The following DTD1 variants were observed in gnomAD, a reference collection of about 807,000 sequenced individuals.
The protein encoded by DTD1 is D-tyrosyl-tRNA deacylase 1 homolog.
In DTD1, 13 loss-of-function variants were observed where a neutral mutation model predicts 25.6. That is an observed-to-expected ratio of 0.51 (90% CI 0.33 to 0.81). The LOEUF (loss-of-function observed/expected upper bound fraction) is 0.81. DTD1 is among the 30% of genes least tolerant of loss of function. The pLI, the probability that DTD1 is intolerant of heterozygous loss-of-function variation, is 0.02. For synonymous variants in DTD1, 110 were observed against 103.6 expected (o/e 1.06, Z -0.37); for missense variants, 193 against 266.4 (o/e 0.72, Z 1.92).
chr20:18,737,778 C>T (rs932594848), intron 4 of DTD1, among the ~76,000 whole-genome samples: 12 of 152,224 alleles, frequency 7.9e-5, no homozygotes, highest in South Asian at 2.1e-4. Flanking sequence ...CTTCAGCCTT[C>T]GGGACAGAAA....
intron 4 of DTD1, among the ~76,000 whole-genome samples, chr20:18,638,945 T>C (rs2060818684): frequency 6.6e-6 from 1 of 152,170 alleles, no homozygotes; most frequent in Non-Finnish European, 1.5e-5. Context: ...TCTTTCATAC[T>C]GTGGCTTGAG....
intron 5 of DTD1, among the ~76,000 whole-genome samples, chr20:18,753,775 G>C (rs965052933): frequency 6.6e-6 from 1 of 151,978 alleles, no homozygotes; most frequent in African/African-American, 2.4e-5. Context: ...TTATTGCATT[G>C]CATTAAGCTT....
intron 4 of DTD1, among the ~76,000 whole-genome samples, chr20:18,737,207 C>T (rs879822594): frequency 2.0e-5 from 3 of 152,246 alleles, no homozygotes; most frequent in Non-Finnish European, 4.4e-5. Context: ...TCAGTCATCT[C>T]TGTGTGTTGC....
At position 18,709,621 on chromosome 20, in the gene DTD1, C is replaced by T. The variant is rs118006899; in HGVS notation, c.478-34479C>T. On this transcript the variant is annotated intron_variant, in intron 4 of 5. Coordinates refer to ENST00000377452, the MANE Select transcript of DTD1 (RefSeq NM_080820.6). ...CGGTCACTAAGGGCAATTGGGGGGA[C>T]AGAATACCTAGGCTGATTGGAGTCA... is the stretch of plus-strand genomic sequence containing the variant. Among the ~76,000 whole-genome samples, 1,186 of 152,264 alleles carry T rather than the reference C, an allele frequency of 7.8e-3. 8 individuals are homozygous for T. Among genetic ancestry groups the T allele is most frequent in the Non-Finnish European group, 0.012 (848 of 68,024 alleles).
intron 4 of DTD1, among the ~76,000 whole-genome samples, chr20:18,663,861 A>T (rs984971252): frequency 1.3e-5 from 2 of 152,126 alleles, no homozygotes; most frequent in African/African-American, 4.8e-5. Context: ...TATCATGAGA[A>T]CTCACTCACT....
At chr20:18,708,256 A>ATATATAT (rs1568676810) in intron 4 of DTD1, among the ~76,000 whole-genome samples, 6 of 32,928 alleles carry the variant, frequency 1.8e-4, no homozygotes, top group African/African-American at 5.3e-4. Context: ...TATATATTAT[A>ATATATAT]TATATATTTT....
Position 18,749,599 on chromosome 20 carries a change from A to T in DTD1, c.*19+5328A>T, listed in dbSNP as rs2061314288. ...AGGGGTCTGTCATTAATGACACCTGAGACTGAGTGAGATATGCTGGTGAGA... is the reference window on the plus strand; with the variant it reads ...AGGGGTCTGTCATTAATGACACCTGTGACTGAGTGAGATATGCTGGTGAGA... On this transcript the variant is annotated intron_variant, in intron 5 of 5. Coordinates refer to ENST00000377452, the MANE Select transcript of DTD1 (RefSeq NM_080820.6). This position sits in a 1 kb window ranked among gnomAD's most constrained non-coding sequence, Gnocchi z 4.2. 6.6e-6 allele frequency among the ~76,000 whole-genome samples: 1 copy of T among 152,108 alleles called. No individual in the cohort carries two copies. The highest frequency in any genetic ancestry group is 1.5e-5 in the Non-Finnish European group (1 of 68,024).
At chr20:18,745,134 C>T (rs1172727347) in intron 5 of DTD1, among the ~76,000 whole-genome samples, 2 of 152,198 alleles carry the variant, frequency 1.3e-5, no homozygotes, top group African/African-American at 4.8e-5. Flanking sequence ...AGGGCACTGC[C>T]ATCTCAGCAG....
intron 4 of DTD1, among the ~76,000 whole-genome samples, chr20:18,675,815 C>CATATATATGTGTGTAAATAT (rs1568665457): frequency 6.6e-6 from 1 of 150,868 alleles, no homozygotes; most frequent in Admixed American, 6.6e-5. Context: ...TATATTTACA[C>CATATATATGTGTGTAAATAT]ACATATATGT....
chr20:18,612,277 G>T (rs555871557), intron 3 of DTD1, among the ~76,000 whole-genome samples: 1 of 151,852 alleles, frequency 6.6e-6, no homozygotes, highest in African/African-American at 2.4e-5. Flanking sequence ...CTCGTGATCC[G>T]CCCGCCTCGG....
chr20:18,651,351 A>G (rs1384400915), intron 4 of DTD1, among the ~76,000 whole-genome samples: 3 of 152,120 alleles, frequency 2.0e-5, no homozygotes, highest in Non-Finnish European at 2.9e-5. Context: ...GGGTTTCACT[A>G]TGTTGGGCAG....
chr20:18,647,205 CT>C (rs1187013998), intron 4 of DTD1, among the ~76,000 whole-genome samples: 3 of 152,172 alleles, frequency 2.0e-5, no homozygotes, highest in Admixed American at 2.0e-4. Flanking sequence ...TGACCCTTAA[CT>C]TTACATATAG....
At chr20:18,676,264 T>A (rs1383786230) in intron 4 of DTD1, among the ~76,000 whole-genome samples, 2 of 152,194 alleles carry the variant, frequency 1.3e-5, no homozygotes, top group Non-Finnish European at 2.9e-5. Flanking sequence ...GTTGTACCCT[T>A]AACTGGCAGA....
chr20:18,617,327 A>C (rs1248024876), intron 3 of DTD1, among the ~76,000 whole-genome samples: 1 of 148,304 alleles, frequency 6.7e-6, no homozygotes, highest in East Asian at 1.9e-4. Flanking sequence ...ATTATATATA[A>C]TATATATAAT....
In DTD1 at chr20:18,679,224, A is replaced by G. The variant is rs115665684; in HGVS notation, c.477+50991A>G. Among the ~76,000 whole-genome samples the G allele has an allele frequency of 3.9e-3, 593 of 152,332 alleles. 5 individuals carry two copies. Among genetic ancestry groups the G allele is most frequent in the African/African-American group, 0.014 (573 of 41,578 alleles). On this transcript the variant is annotated intron_variant, in intron 4 of 5. Coordinates refer to ENST00000377452, the MANE Select transcript of DTD1 (RefSeq NM_080820.6). Reference sequence around the variant, plus strand: ...GCCTGTTGGCCTGACAACCGTTGCTATGGGAATAATACTCGTGGTTAGTGC... The same window carrying G: ...GCCTGTTGGCCTGACAACCGTTGCTGTGGGAATAATACTCGTGGTTAGTGC...
intron 4 of DTD1, among the ~76,000 whole-genome samples, chr20:18,656,883 C>CT (rs11480379): frequency 0.48 from 73,643 of 151,940 alleles, 18,297 homozygotes; most frequent in Middle Eastern, 0.55. Flanking sequence ...TGGCAATATT[C>CT]TTTTTTGTTG....
intron 4 of DTD1, among the ~76,000 whole-genome samples, chr20:18,634,782 G>A (rs1195762360): frequency 1.3e-5 from 2 of 152,110 alleles, no homozygotes; most frequent in East Asian, 3.9e-4. Flanking sequence ...CCAGTGACAG[G>A]GGCAGCCTTT....
intron 4 of DTD1, among the ~76,000 whole-genome samples, chr20:18,708,184 T>TTA (rs1159250058): frequency 1.1e-5 from 1 of 92,722 alleles, no homozygotes; most frequent in Non-Finnish European, 2.0e-5. Flanking sequence ...TATATATATT[T>TTA]TATATATATA....
At chr20:18,672,435 T>C (rs1272350535) in intron 4 of DTD1, among the ~76,000 whole-genome samples, 1 of 152,120 alleles carries the variant, frequency 6.6e-6, no homozygotes, top group Non-Finnish European at 1.5e-5. Context: ...TGAGTTTGAA[T>C]AGCTTTTTTC....
Sources: allele counts gnomAD v4.1 joint callset (sites outside exome capture counted in the v4.1 genomes callset), GRCh38; gene constraint gnomAD v4.1.1; non-coding constraint Gnocchi (gnomAD v3.1); transcripts MANE v1.5; gene names NCBI Gene and HGNC (gene_info 2026-07-23, HGNC 2026-07-21).